Variants in ADCY10 observed in about 807,000 individuals in gnomAD.
ADCY10 encodes the protein adenylate cyclase type 10.
In ADCY10, 156 loss-of-function variants were observed where a neutral mutation model predicts 183.3. The observed-to-expected ratio is 0.85, with a 90% CI of 0.75 to 0.97. The LOEUF (loss-of-function observed/expected upper bound fraction) is 0.97, where lower values mean the gene tolerates loss of function less well. Ranked by LOEUF, ADCY10 falls within the 50% of genes least tolerant of loss-of-function variation. ADCY10 has a pLI of 0.00. For synonymous variants in ADCY10, 645 were observed against 670.0 expected, an observed-to-expected ratio of 0.96 and a Z score of 0.58; for missense variants, 1,745 against 1,934.3, an observed-to-expected ratio of 0.90 and a Z score of 1.84.
intron 26 of ADCY10, among the ~76,000 whole-genome samples, chr1:167,827,719 A>T (rs7518627): frequency 2.7e-4 from 29 of 107,188 alleles, no homozygotes; most frequent in South Asian, 8.5e-4. Flanking sequence ...AAAAAAAAAA[A>T]TTTTTTTTTT....
intron 1 of ADCY10, among the ~76,000 whole-genome samples, chr1:167,912,441 A>G (rs1427674090): frequency 1.3e-5 from 2 of 152,102 alleles, no homozygotes; most frequent in African/African-American, 4.8e-5. Context: ...GTAGAACATC[A>G]TGGCACCCTG....
intron 13 of ADCY10, among the ~76,000 whole-genome samples, chr1:167,871,943 C>G (rs1342356933): frequency 6.6e-6 from 1 of 152,216 alleles, no homozygotes; most frequent in Non-Finnish European, 1.5e-5. Flanking sequence ...TGCATAGCTG[C>G]ACACCAACAT....
intron 1 of ADCY10, among the ~76,000 whole-genome samples, chr1:167,908,424 G>A (rs919878572): frequency 7.9e-5 from 12 of 152,110 alleles, no homozygotes; most frequent in African/African-American, 2.4e-4. Context: ...TGAGATGTTG[G>A]TGGCTGAAGG....
intron 15 of ADCY10, among the ~76,000 whole-genome samples, chr1:167,860,202 G>A (rs1042086041): frequency 5.9e-5 from 9 of 152,090 alleles, no homozygotes; most frequent in African/African-American, 2.2e-4. Context: ...TAGAATCAGT[G>A]GGAGCCCTGA....
At chr1:167,855,792 G>A (rs1408688987) in intron 17 of ADCY10, among the ~76,000 whole-genome samples, 1 of 152,176 alleles carries the variant, frequency 6.6e-6, no homozygotes, top group African/African-American at 2.4e-5. Flanking sequence ...TGGGAGGATT[G>A]CTTGAGCCCA....
At chr1:167,905,628 G>T (rs778695236) in intron 1 of ADCY10, among the ~76,000 whole-genome samples, 1 of 151,250 alleles carries the variant, frequency 6.6e-6, no homozygotes, top group South Asian at 2.1e-4. Flanking sequence ...GATGTGATTC[G>T]TGTGTGTGAG....
At position 167,880,532 on chromosome 1, in the gene ADCY10, A is replaced by G. The variant is rs2102245135; in HGVS notation, c.1098T>C (p.Ala366=). 6.2e-7 allele frequency: 1 copy of G among 1,614,198 alleles called. No individual in the cohort carries two copies. Among genetic ancestry groups the G allele is most frequent in the East Asian group, 2.2e-5 (1 of 44,874 alleles). Residue 366 remains alanine (A), a synonymous_variant, in exon 10 of 33, where the codon GCT becomes GCC. Transcript: ENST00000367851. The stretch of plus-strand genomic sequence containing the variant: ...GAGAGCAGAAGTCAAATATATCCAT[A>G]GCACATTCCAGAGCATGAGTGAGCT... The part of the protein sequence containing the change: ...PDELTHALEC[A]MDIFDFCSQV...
chr1:167,843,261 T>C (rs1388266720), intron 21 of ADCY10, among the ~76,000 whole-genome samples: 1 of 152,256 alleles, frequency 6.6e-6, no homozygotes, highest in Non-Finnish European at 1.5e-5. Flanking sequence ...ACCTATATTC[T>C]AGCTGTCAGT....
rs71100905 is a variant in ADCY10 at position 167,841,502 on chromosome 1, C to CTTTT, written c.3007+4057_3007+4060dup. Among the ~76,000 whole-genome samples, 549 of 90,868 alleles carry CTTTT rather than the reference C, an allele frequency of 6.0e-3. 50 individuals carry two copies. The highest frequency in any genetic ancestry group is 0.03 in the African/African-American group (470 of 15,752). The allele number at this position is 90,868 out of a possible 152,430, so 59.6% of individuals were successfully genotyped here. A position where few individuals can be genotyped will look rare whatever the true frequency, so the allele number is the denominator to read the frequency against. On this transcript the variant is annotated intron_variant, in intron 21 of 32. Transcript: ENST00000367851. ...TTTATCGCTTATACTATATGCTTTC[C>CTTTT]TTTTTTTTTTTTTTTTTTTTTAAGA...
chr1:167,809,695 C>A lies in ADCY10; in HGVS notation c.4816G>T (p.Val1606Leu), dbSNP rs201892899. Residue 1606 changes from valine (V) to leucine (L), a missense_variant, in exon 33 of 33, where the codon GTG becomes TTG. Val to Leu is a conservative substitution (Grantham distance 32). Transcript: ENST00000367851. ...TTGACATGTTAGAAATGATTGTCCACGGTATTAGCTCTCATCAGGAATTTG... is the reference window on the plus strand; with the variant it reads ...TTGACATGTTAGAAATGATTGTCCAAGGTATTAGCTCTCATCAGGAATTTG... ...KNKFLMRANT[V>L]DNHF 1 of 1,614,084 alleles carries A rather than the reference C, an allele frequency of 6.2e-7. No individual in the cohort carries two copies. The highest frequency in any genetic ancestry group is 8.5e-7 in the Non-Finnish European group (1 of 1,179,950).
Position 167,880,196 on chromosome 1 carries a change from T to G in ADCY10, c.1140-5A>C, listed in dbSNP as rs565626472. The G allele has an allele frequency of 6.2e-7, 1 of 1,611,482 alleles. No individual in the cohort carries two copies. Among genetic ancestry groups the G allele is most frequent in the South Asian group, 1.1e-5 (1 of 90,428 alleles). ...GCAACACCGATGGATACAGTTCTGG[T>G]GCAGGGGAGACAAGATTTGTGGGGA... is the stretch of plus-strand genomic sequence containing the variant. On this transcript the variant is annotated splice_polypyrimidine_tract_variant and splice_region_variant and intron_variant, in intron 10 of 32. Coordinates refer to ENST00000367851, the MANE Select transcript of ADCY10 (RefSeq NM_018417.6).
In ADCY10 at chr1:167,899,476, A is replaced by G. The variant is rs1436377871; in HGVS notation, c.589T>C (p.Cys197Arg). Residue 197 changes from cysteine to arginine, a missense_variant, in exon 6 of 33, where the codon TGT (cysteine) becomes CGT (arginine). Cys to Arg is a radical substitution (Grantham distance 180, BLOSUM62 -3). Coordinates refer to ENST00000367851, the MANE Select transcript of ADCY10 (RefSeq NM_018417.6). Reference sequence around the variant, plus strand: ...TCAATTTCAATCATGCTCCGGTCACAGAGCTGCCAGCAGTTTGGTGACAGA... The same window carrying G: ...TCAATTTCAATCATGCTCCGGTCACGGAGCTGCCAGCAGTTTGGTGACAGA... Reference protein sequence around the residue: ...VILSPNCWQLCDRSMIEIESV... With the variant: ...VILSPNCWQLRDRSMIEIESV... 3 of 1,614,130 alleles carry G rather than the reference A, an allele frequency of 1.9e-6. No individual in the cohort carries two copies. Among genetic ancestry groups the G allele is most frequent in the Non-Finnish European group, 2.5e-6 (3 of 1,180,054 alleles).
At chr1:167,908,850 T>G (rs1171130742) in intron 1 of ADCY10, among the ~76,000 whole-genome samples, 1 of 152,210 alleles carries the variant, frequency 6.6e-6, no homozygotes, top group African/African-American at 2.4e-5. Flanking sequence ...ATCAAATGCA[T>G]AAGCACGAGG....
chr1:167,906,395 A>C (rs1669819935), intron 1 of ADCY10, among the ~76,000 whole-genome samples: 1 of 152,142 alleles, frequency 6.6e-6, no homozygotes, highest in Admixed American at 6.6e-5. Flanking sequence ...TTAAAAATGC[A>C]GCAAAAGACC....
At chr1:167,882,513 C>G (rs756753152) in intron 9 of ADCY10, among the ~76,000 whole-genome samples, 210 of 145,458 alleles carry the variant, frequency 1.4e-3, no homozygotes, top group Middle Eastern at 3.7e-3. Flanking sequence ...AAGAACAGAG[C>G]GAAAACACCT....
chr1:167,840,539 G>C (rs1050697369), intron 21 of ADCY10, among the ~76,000 whole-genome samples: 1 of 151,880 alleles, frequency 6.6e-6, no homozygotes, highest in African/African-American at 2.4e-5. Context: ...TGTATTTTTA[G>C]TGGAGATGGG....
intron 13 of ADCY10, among the ~76,000 whole-genome samples, chr1:167,874,536 T>C (rs1667319683): frequency 6.6e-6 from 1 of 152,208 alleles, no homozygotes; most frequent in Admixed American, 6.5e-5. Context: ...TCAGTCAGAA[T>C]ATAAATAAAT....
At chr1:167,816,580 C>T (rs1216886877) in intron 31 of ADCY10, among the ~76,000 whole-genome samples, 1 of 151,948 alleles carries the variant, frequency 6.6e-6, no homozygotes, top group Non-Finnish European at 1.5e-5. Flanking sequence ...TTTAAAGAAG[C>T]CCAAGGGACT....
chr1:167,813,070 A>G (rs567798456), intron 31 of ADCY10, among the ~76,000 whole-genome samples: 4 of 152,140 alleles, frequency 2.6e-5, no homozygotes, highest in Admixed American at 6.5e-5. Flanking sequence ...GAGAGAGAGA[A>G]AGGACTAGAA....
Sources: gnomAD v4.1 joint callset for allele counts (sites outside exome capture counted in the v4.1 genomes callset) on GRCh38, gnomAD v4.1.1 for gene constraint, MANE v1.5 for transcripts, NCBI Gene and HGNC (gene_info 2026-07-23, HGNC 2026-07-21) for gene names.